PTPN4: variants seen among roughly 807,000 people sequenced by gnomAD.
PTPN4 encodes tyrosine-protein phosphatase non-receptor type 4.
In PTPN4, 49 loss-of-function variants were observed where a neutral mutation model predicts 135.5. The ratio of observed to expected loss-of-function variants is 0.36; its 90% confidence interval spans 0.29 to 0.46. The LOEUF is 0.46. PTPN4 is among the 20% of genes least tolerant of loss of function. PTPN4 has a pLI of 1.00. For missense variants in PTPN4, 860 were observed against 1,101.0 expected, an observed-to-expected ratio of 0.78 and a Z score of 3.10; for synonymous variants, 333 against 369.9, an observed-to-expected ratio of 0.90 and a Z score of 1.14.
At position 119,946,542 on chromosome 2, in the gene PTPN4, G is replaced by A. The variant is rs1246093225; in HGVS notation, c.1624G>A (p.Val542Met). 1 of 1,609,614 alleles carries A rather than the reference G, an allele frequency of 6.2e-7. No individual in the cohort carries two copies. The highest frequency in any genetic ancestry group is 1.7e-5 in the Admixed American group (1 of 59,632). The stretch of plus-strand genomic sequence containing the variant: ...GGGAGGATATGATCAGAAGATGCCT[G>A]TGATTGTGTCTCGAGTAGCACCAGG... ...VKGGYDQKMP[V>M]IVSRVAPGTP... is the part of the protein sequence containing the mutation. The change falls in exon 18 of 27, where the codon GTG (valine) becomes ATG (methionine). Residue 542 changes from valine to methionine, a missense_variant. Around this residue, in one of 2 missense-constraint regions of PTPN4, gnomAD observed 684 missense variants for 807.0 expected, o/e 0.85. Transcript: ENST00000263708.
chr2:119,847,658 C>A (rs930887518), intron 2 of PTPN4, among the ~76,000 whole-genome samples: 2 of 152,104 alleles, frequency 1.3e-5, no homozygotes, highest in Admixed American at 1.3e-4. Flanking sequence ...ACTCATTTAC[C>A]TGTACCAGTG....
At chr2:119,912,202 A>G (rs1430995177) in intron 10 of PTPN4, among the ~76,000 whole-genome samples, 2 of 152,220 alleles carry the variant, frequency 1.3e-5, no homozygotes, top group African/African-American at 4.8e-5. Flanking sequence ...GTATGCTTCC[A>G]TTTATATAAA....
At chr2:119,778,152 C>G (rs1690873560) in intron 1 of PTPN4, among the ~76,000 whole-genome samples, 1 of 152,028 alleles carries the variant, frequency 6.6e-6, no homozygotes, top group Non-Finnish European at 1.5e-5. Context: ...TAAAAATATT[C>G]TCATTGACTG....
rs370197677 is a variant in PTPN4, at chr2:119,934,938, C to T, written c.1335C>T (p.Ser445=). The T allele has an allele frequency of 4.3e-6, 7 of 1,613,622 alleles. No homozygotes were observed. The African/African-American group carries it at 8.0e-5, about 18-fold the overall frequency. ...QRSPSSTQAN[S]IVLESSPSQE... ...CTCCGTCATCAACACAAGCTAATAG[C>T]ATTGTTCTGGAATCATCACCGTAAG... The change falls in exon 15 of 27, where the codon AGC becomes AGT. Residue 445 remains serine, a synonymous_variant. Coordinates refer to ENST00000263708, the MANE Select transcript of PTPN4 (RefSeq NM_002830.4).
intron 1 of PTPN4, among the ~76,000 whole-genome samples, chr2:119,788,286 A>T (rs879729082): frequency 6.6e-6 from 1 of 152,202 alleles, no homozygotes; most frequent in Admixed American, 6.5e-5. Context: ...TCACAAATTA[A>T]GAGATGCTAA....
At position 119,965,694 on chromosome 2, in the gene PTPN4, A is replaced by G. The variant is rs977578062; in HGVS notation, c.2558+49A>G. 7.7e-6 allele frequency: 12 copies of G among 1,551,288 alleles called. No individual in the cohort carries two copies. In the Admixed American group the frequency reaches 1.9e-4, roughly 25 times the overall value. ...GAGTGTATAGCTGAACAGATACGTC[A>G]TTTTTAAAAGAGAGTACATATTTTG... On this transcript the variant is annotated intron_variant, in intron 25 of 26. Transcript: ENST00000263708.
At chr2:119,954,126 T>G (rs1385521239) in intron 19 of PTPN4, among the ~76,000 whole-genome samples, 1 of 152,240 alleles carries the variant, frequency 6.6e-6, no homozygotes, top group Non-Finnish European at 1.5e-5. Context: ...TTATTTCTTC[T>G]TAGGCAAAAT....
intron 26 of PTPN4, 125 bp downstream of exon 26, chr2:119,968,097 C>A: frequency 1.2e-6 from 1 of 828,558 alleles, no homozygotes; most frequent in Non-Finnish European, 1.7e-6. Flanking sequence ...GTCAAATAAC[C>A]TCTAGCACAG....
intron 2 of PTPN4, among the ~76,000 whole-genome samples, chr2:119,823,215 TG>T (rs772056756): frequency 1.8e-4 from 28 of 151,960 alleles, no homozygotes; most frequent in Non-Finnish European, 3.4e-4. Context: ...GATCACATTC[TG>T]GATATACTTC....
At chr2:119,902,148 G>A (rs1318290684) in intron 10 of PTPN4, among the ~76,000 whole-genome samples, 3 of 152,180 alleles carry the variant, frequency 2.0e-5, no homozygotes, top group African/African-American at 7.2e-5. Flanking sequence ...TCATGCTGCA[G>A]ATAATCAGAA....
At chr2:119,830,723 C>T (rs1677207133) in intron 2 of PTPN4, among the ~76,000 whole-genome samples, 1 of 152,112 alleles carries the variant, frequency 6.6e-6, no homozygotes, top group African/African-American at 2.4e-5. Flanking sequence ...CTGCGTTGGC[C>T]TCCCAAAGTG....
At position 119,894,248 on chromosome 2, in the gene PTPN4, A is replaced by C. The variant is rs1263543695; in HGVS notation, c.676-6470A>C. On this transcript the variant is annotated intron_variant, in intron 9 of 26. Coordinates refer to ENST00000263708, the MANE Select transcript of PTPN4 (RefSeq NM_002830.4). ...TTCGACAGATCCATTAAAATAATGA[A>C]ACAATTTACAAATGTAATCTCTTGG... Among the ~76,000 whole-genome samples the C allele has an allele frequency of 2.0e-5, 3 of 152,236 alleles. No homozygotes were observed. The East Asian group carries it at 5.8e-4, about 29-fold the overall frequency.
At chr2:119,919,150 G>A (rs1173889836) in intron 11 of PTPN4, among the ~76,000 whole-genome samples, 1 of 152,172 alleles carries the variant, frequency 6.6e-6, no homozygotes, top group South Asian at 2.1e-4. Flanking sequence ...AGGTTACATG[G>A]TTGTATTTAT....
chr2:119,843,280 A>G lies in PTPN4; in HGVS notation c.139-19256A>G, dbSNP rs572916679. Among the ~76,000 whole-genome samples the G allele has an allele frequency of 3.0e-5, 4 of 133,192 alleles. No homozygotes were observed. The East Asian group carries it at 8.5e-4, about 28-fold the overall frequency. The allele number at this position is 133,192 out of a possible 152,430, so 87.4% of individuals were successfully genotyped here. ...ATTTAATCCTGAGTGGACACAGCACATGTTTCAGAGAGCACAGGGTTGGGG... is the reference window on the plus strand; with the variant it reads ...ATTTAATCCTGAGTGGACACAGCACGTGTTTCAGAGAGCACAGGGTTGGGG... On this transcript the variant is annotated intron_variant, in intron 2 of 26. Transcript: ENST00000263708.
intron 1 of PTPN4, among the ~76,000 whole-genome samples, chr2:119,803,412 A>C (rs1412089195): frequency 6.6e-6 from 1 of 152,100 alleles, no homozygotes; most frequent in Non-Finnish European, 1.5e-5. Context: ...GATTTTCCTT[A>C]AGATTTCCTC....
At chr2:119,871,717 A>G (rs1036186163) in intron 3 of PTPN4, among the ~76,000 whole-genome samples, 22 of 152,058 alleles carry the variant, frequency 1.4e-4, no homozygotes, top group South Asian at 1.0e-3. Flanking sequence ...GAGAGAGAGA[A>G]AAAAAAAGCT....
In PTPN4 at chr2:119,980,940, T is replaced by G. The variant is rs1679682647; in HGVS notation, c.*3870T>G. ...AATGAAATAATTTGTGTTCATAATG[T>G]GAACATGTAAGATAAGTAAATAAAG... On this transcript the variant is annotated 3_prime_UTR_variant, in exon 27 of 27. Coordinates refer to ENST00000263708, the MANE Select transcript of PTPN4 (RefSeq NM_002830.4). 6.6e-6 allele frequency: 1 copy of G among 152,108 alleles called. No individual in the cohort carries two copies. The highest frequency in any genetic ancestry group is 2.4e-5 in the African/African-American group (1 of 41,452). 9.4% of individuals were successfully genotyped at this position (152,108 alleles called of 1,614,324 possible).
chr2:119,875,674 A>G (rs1045791949), intron 3 of PTPN4, among the ~76,000 whole-genome samples: 10 of 152,124 alleles, frequency 6.6e-5, no homozygotes, highest in Non-Finnish European at 1.3e-4. Flanking sequence ...TTATTTATTT[A>G]CTTATTTACT....
At chr2:119,925,178 A>G (rs769984951) in intron 12 of PTPN4, among the ~76,000 whole-genome samples, 11 of 152,116 alleles carry the variant, frequency 7.2e-5, no homozygotes, top group Non-Finnish European at 1.3e-4. Flanking sequence ...ACTATACCCT[A>G]TCCCCATGAC....
Sources: gnomAD v4.1 joint callset for allele counts (sites outside exome capture counted in the v4.1 genomes callset) on GRCh38, gnomAD v4.1.1 for gene constraint, gnomAD v4.1.1 regional missense constraint, MANE v1.5 for transcripts, NCBI Gene and HGNC (gene_info 2026-07-23, HGNC 2026-07-21) for gene names.